ZW10: variants seen among roughly 807,000 people sequenced by gnomAD.
ZW10 encodes centromere/kinetochore protein zw10 homolog.
Under a neutral mutation model 87.8 loss-of-function variants are expected in ZW10, and 53 were observed. That is an observed-to-expected ratio of 0.60 (90% confidence interval 0.48 to 0.76). ZW10 has a LOEUF of 0.76. Among genes scored for constraint, ZW10 ranks in the 30% least tolerant of loss-of-function variants. The probability of loss-of-function intolerance (pLI) is 0.00; values close to 1 mark genes in which losing one functional copy is unlikely to be tolerated. For synonymous variants in ZW10, 312 were observed against 329.2 expected, an observed-to-expected ratio of 0.95 and a Z score of 0.57; for missense variants, 837 against 923.0, an observed-to-expected ratio of 0.91 and a Z score of 1.21.
intron 10 of ZW10, among the ~76,000 whole-genome samples, chr11:113,742,869 A>G (rs1953636921): frequency 6.6e-6 from 1 of 152,258 alleles, no homozygotes; most frequent in Non-Finnish European, 1.5e-5. Context: ...GAATAAAATA[A>G]AGAGGTTATC....
chr11:113,754,478 C>G (rs987466018), intron 7 of ZW10, among the ~76,000 whole-genome samples: 2 of 151,962 alleles, frequency 1.3e-5, no homozygotes, highest in Admixed American at 6.6e-5. Context: ...GAGTGCGACT[C>G]CATCTCAAAA....
chr11:113,772,642 C>G (rs1937646825), intron 1 of ZW10, among the ~76,000 whole-genome samples: 1 of 152,090 alleles, frequency 6.6e-6, no homozygotes, highest in South Asian at 2.1e-4. Flanking sequence ...CAATGACACT[C>G]AGCACAGCTT....
chr11:113,762,140 T>C (rs1386213311), intron 2 of ZW10, among the ~76,000 whole-genome samples: 1 of 152,176 alleles, frequency 6.6e-6, no homozygotes, highest in South Asian at 2.1e-4. Context: ...GGAACCCAAA[T>C]GGTATGTCCT....
intron 1 of ZW10, chr11:113,770,387 C>T (rs868121280): frequency 6.8e-6 from 1 of 146,154 alleles, no homozygotes; most frequent in African/African-American, 2.5e-5. Context: ...TAGTGCCCAG[C>T]CTAATTTTTT....
Position 113,744,048 on chromosome 11 carries a change from T to G in ZW10, c.1273-8A>C. The G allele has an allele frequency of 2.5e-6, 4 of 1,578,722 alleles. No individual in the cohort carries two copies. The highest frequency in any genetic ancestry group is 3.5e-6 in the Non-Finnish European group (4 of 1,149,250). ...CTTAGAATCAGGAATAATCTAAGAT[T>G]CAAACACAAAAATACAGAAAATATA... is the stretch of plus-strand genomic sequence containing the variant. On this transcript the variant is annotated splice_region_variant and splice_polypyrimidine_tract_variant and intron_variant, in intron 9 of 15. Transcript: ENST00000200135.
chr11:113,734,779 T>TG (rs1953529873), intron 15 of ZW10, among the ~76,000 whole-genome samples: 1 of 149,870 alleles, frequency 6.7e-6, no homozygotes, highest in Non-Finnish European at 1.5e-5. Flanking sequence ...CACTCCAGCC[T>TG]GGGCGACAGA....
At chr11:113,763,422 G>A (rs1314523315) in intron 2 of ZW10, among the ~76,000 whole-genome samples, 1 of 152,160 alleles carries the variant, frequency 6.6e-6, no homozygotes, top group East Asian at 1.9e-4. Flanking sequence ...TTTGGTTCTA[G>A]ATCCTTGAGG....
intron 7 of ZW10, among the ~76,000 whole-genome samples, chr11:113,755,834 C>A (rs1354940917): frequency 6.6e-6 from 1 of 152,152 alleles, no homozygotes; most frequent in Non-Finnish European, 1.5e-5. Flanking sequence ...AGACCCTTCA[C>A]CAACAAAAAG....
At chr11:113,736,939 A>T in intron 14 of ZW10, 117 bp from the exon 15 acceptor site, 3 of 879,104 alleles carry the variant, frequency 3.4e-6, no homozygotes, top group Non-Finnish European at 3.7e-6. Context: ...CATGTTTTCC[A>T]ACCAATTTGG....
intron 1 of ZW10, among the ~76,000 whole-genome samples, chr11:113,769,443 T>C (rs1361280619): frequency 1.3e-5 from 2 of 152,234 alleles, no homozygotes; most frequent in Non-Finnish European, 2.9e-5. Flanking sequence ...TCTCAATCAA[T>C]TTCTATTTTC....
intron 7 of ZW10, among the ~76,000 whole-genome samples, chr11:113,751,497 G>C (rs1184909189): frequency 6.6e-6 from 1 of 152,046 alleles, no homozygotes; most frequent in Middle Eastern, 3.2e-3. Flanking sequence ...ATTTCAGCAA[G>C]ATATGAAAAA....
At chr11:113,743,666 G>A (rs1953648156) in intron 10 of ZW10, 136 bp downstream of exon 10, 2 of 742,786 alleles carry the variant, frequency 2.7e-6, no homozygotes, top group South Asian at 1.8e-5. Flanking sequence ...GTTTTGTTTT[G>A]TTTTGTTTCC....
Position 113,760,913 on chromosome 11 carries a change from G to A in ZW10, c.246C>T (p.Arg82=). The A allele has an allele frequency of 6.2e-7, 1 of 1,613,710 alleles. No homozygotes were observed. Among genetic ancestry groups the A allele is most frequent in the South Asian group, 1.1e-5 (1 of 91,036 alleles). ...CACCGGTTGATACGTGAAGATCCCG[G>A]CGGACCTAATTCACACATCAAAAAC... ...LLKSRIESEV[R]RDLHVSTGEF... Residue 82 remains arginine (R), a synonymous_variant, in exon 3 of 16, where the codon CGC becomes CGT. Coordinates refer to ENST00000200135, the MANE Select transcript of ZW10 (RefSeq NM_004724.4).
chr11:113,737,675 A>G lies in ZW10; in HGVS notation c.1913T>C (p.Ile638Thr), dbSNP rs1444692929. ...CACTGGCAGGACATCCTGCCACACAATTCCAAGTCTCTTTAGTTGGTGCAG... is the reference window on the plus strand; with the variant it reads ...CACTGGCAGGACATCCTGCCACACAGTTCCAAGTCTCTTTAGTTGGTGCAG... Reference protein sequence around the residue: ...QVLHQLKRLGIVWQDVLPVNI... With the variant: ...QVLHQLKRLGTVWQDVLPVNI... The change falls in exon 14 of 16, where the codon ATT (isoleucine) becomes ACT (threonine). Residue 638 changes from isoleucine to threonine, a missense_variant. Transcript: ENST00000200135. 1 of 1,613,294 alleles carries G rather than the reference A, an allele frequency of 6.2e-7. No homozygotes were observed. The highest frequency in any genetic ancestry group is 8.5e-7 in the Non-Finnish European group (1 of 1,179,456).
At chr11:113,760,442 TA>T in intron 4 of ZW10, 70 bp downstream of exon 4, 2 of 1,604,230 alleles carry the variant, frequency 1.2e-6, no homozygotes, top group Non-Finnish European at 1.7e-6. Flanking sequence ...TGCATAATGA[TA>T]AAAAATACAA....
At chr11:113,737,479 T>G in intron 14 of ZW10, 93 bp downstream of exon 14, 2 of 1,277,832 alleles carry the variant, frequency 1.6e-6, no homozygotes, top group Non-Finnish European at 2.1e-6. Context: ...ACATGAAACA[T>G]GAACAATTTC....
At chr11:113,740,354 C>T (rs1319130243) in intron 11 of ZW10, among the ~76,000 whole-genome samples, 1 of 152,034 alleles carries the variant, frequency 6.6e-6, no homozygotes, top group Non-Finnish European at 1.5e-5. Context: ...TTTGAGAGAC[C>T]AAGGCAGGAG....
chr11:113,768,841 C>T lies in ZW10; in HGVS notation c.232G>A (p.Glu78Lys), dbSNP rs773636382. 5 of 1,614,118 alleles carry T rather than the reference C, an allele frequency of 3.1e-6. No homozygotes were observed. The South Asian group carries it at 5.5e-5, about 18-fold the overall frequency. The change falls in exon 2 of 16, where the codon GAG becomes AAG. Residue 78 changes from glutamate (E) to lysine (K), a missense_variant. Coordinates refer to ENST00000200135, the MANE Select transcript of ZW10 (RefSeq NM_004724.4). ...TAACAAATTATCCTTACCTCACTCT[C>T]TATCCTGGATTTCAGCAGGTCAATG... ...EDIDLLKSRIESEVRRDLHVS... is the reference protein window; with the variant it reads ...EDIDLLKSRIKSEVRRDLHVS...
At chr11:113,760,083 G>T in intron 5 of ZW10, 126 bp downstream of exon 5, 3 of 1,176,866 alleles carry the variant, frequency 2.5e-6, no homozygotes, top group Non-Finnish European at 3.5e-6. Flanking sequence ...TAACATGAGT[G>T]CTCAATACAG....
Sources: allele counts gnomAD v4.1 joint callset (sites outside exome capture counted in the v4.1 genomes callset), GRCh38; gene constraint gnomAD v4.1.1; transcripts MANE v1.5; gene names NCBI Gene and HGNC (gene_info 2026-07-23, HGNC 2026-07-21).